Variants in DACH1 observed in about 807,000 individuals in gnomAD.
DACH1 encodes dachshund homolog 1.
Under a neutral mutation model 54.2 loss-of-function variants are expected in DACH1, and 12 were observed. That is an observed-to-expected ratio of 0.22 (90% CI 0.14 to 0.36). DACH1 has a LOEUF of 0.36. Ranked by LOEUF, DACH1 falls within the 10% of genes least tolerant of loss-of-function variation. The pLI is 1.00. For missense variants in DACH1, 805 were observed against 929.8 expected, an observed-to-expected ratio of 0.87 and a Z score of 1.75; for synonymous variants, 386 against 366.2, an observed-to-expected ratio of 1.05 and a Z score of -0.62.
At chr13:71,734,967 T>C (rs1207526767) in intron 1 of DACH1, among the ~76,000 whole-genome samples, 3 of 106,458 alleles carry the variant, frequency 2.8e-5, no homozygotes, top group African/African-American at 7.8e-5. Context: ...TATATATATA[T>C]ATACACACAC....
chr13:71,634,263 G>T lies in DACH1; in HGVS notation c.965-3546C>A, dbSNP rs556228455. Among the ~76,000 whole-genome samples the T allele has an allele frequency of 3.3e-5, 5 of 152,138 alleles. No homozygotes were observed. The East Asian group carries it at 9.7e-4, about 29-fold the overall frequency. ...GCTGGGATTACAGGCATGAGCCACG[G>T]CACCTGGCCTGAAAGTGAGGATTTG... On this transcript the variant is annotated intron_variant, in intron 2 of 10. Transcript: ENST00000613252.
chr13:71,656,721 C>G (rs1390770681), intron 2 of DACH1, among the ~76,000 whole-genome samples: 3 of 150,734 alleles, frequency 2.0e-5, no homozygotes, highest in African/African-American at 7.3e-5. Flanking sequence ...TGTTATATCT[C>G]CAAACATTTT....
chr13:71,707,300 AAG>A (rs1882497978), intron 1 of DACH1, among the ~76,000 whole-genome samples: 2 of 152,244 alleles, frequency 1.3e-5, no homozygotes. Flanking sequence ...ACGTGCTTGG[AAG>A]AGTTTCTTCT....
At chr13:71,634,540 T>C (rs978406092) in intron 2 of DACH1, among the ~76,000 whole-genome samples, 1 of 152,198 alleles carries the variant, frequency 6.6e-6, no homozygotes, top group East Asian at 1.9e-4. Flanking sequence ...GCCCCGGACT[T>C]GCCTATGCCT....
chr13:71,803,970 G>A (rs1298781892), intron 1 of DACH1, among the ~76,000 whole-genome samples: 1 of 152,152 alleles, frequency 6.6e-6, no homozygotes, highest in African/African-American at 2.4e-5. Context: ...ACTATGCTGA[G>A]AAGGCTACAG....
intron 1 of DACH1, among the ~76,000 whole-genome samples, chr13:71,728,595 GA>G (rs1165735718): frequency 6.6e-6 from 1 of 151,980 alleles, no homozygotes; most frequent in Non-Finnish European, 1.5e-5. Context: ...AATTTAATCA[GA>G]AGGATGAAAT....
chr13:71,850,146 A>G (rs1453275395), intron 1 of DACH1, among the ~76,000 whole-genome samples: 1 of 152,222 alleles, frequency 6.6e-6, no homozygotes, highest in Non-Finnish European at 1.5e-5. Flanking sequence ...ACATCAGTAC[A>G]TTTGGTACAA....
chr13:71,461,867 T>C (rs1310840216), intron 10 of DACH1, among the ~76,000 whole-genome samples: 3 of 152,000 alleles, frequency 2.0e-5, no homozygotes, highest in Non-Finnish European at 4.4e-5. Flanking sequence ...AATATAATAT[T>C]GTTTTACCAT....
At chr13:71,815,233 C>A (rs1887862782) in intron 1 of DACH1, among the ~76,000 whole-genome samples, 1 of 151,300 alleles carries the variant, frequency 6.6e-6, no homozygotes, top group Non-Finnish European at 1.5e-5. Flanking sequence ...TCCAAATATT[C>A]CTTGGAGCAA....
At chr13:71,705,039 C>T (rs983709377) in intron 1 of DACH1, among the ~76,000 whole-genome samples, 26 of 152,138 alleles carry the variant, frequency 1.7e-4, no homozygotes, top group African/African-American at 6.0e-4. Context: ...CATTTACATT[C>T]ACATTTTTAT....
intron 1 of DACH1, among the ~76,000 whole-genome samples, chr13:71,864,780 G>A (rs866234849): frequency 6.9e-6 from 1 of 144,674 alleles, no homozygotes; most frequent in Middle Eastern, 3.4e-3. Flanking sequence ...CCCACTGAGC[G>A]TTCATTAGCA....
chr13:71,525,446 A>T (rs2138291718), intron 6 of DACH1, among the ~76,000 whole-genome samples: 1 of 152,268 alleles, frequency 6.6e-6, no homozygotes, highest in African/African-American at 2.4e-5. Flanking sequence ...TATTGTCAAG[A>T]ATTAATAAAT....
intron 10 of DACH1, among the ~76,000 whole-genome samples, chr13:71,455,237 G>T (rs2138125926): frequency 6.6e-6 from 1 of 152,050 alleles, no homozygotes; most frequent in Admixed American, 6.6e-5. Context: ...ACTTTTAAAA[G>T]ATTTGTTTTG....
At chr13:71,622,871 A>G (rs1222402299) in intron 3 of DACH1, among the ~76,000 whole-genome samples, 2 of 151,820 alleles carry the variant, frequency 1.3e-5, no homozygotes, top group African/African-American at 4.8e-5. Context: ...ATTAGTTAGA[A>G]TTAGCAATAT....
chr13:71,809,924 G>T (rs527470165), intron 1 of DACH1, among the ~76,000 whole-genome samples: 3 of 152,284 alleles, frequency 2.0e-5, no homozygotes, highest in South Asian at 4.1e-4. Flanking sequence ...AAAAGAGATT[G>T]AGACAGGTGT....
At chr13:71,630,530 T>C (rs2138569052) in intron 3 of DACH1, 26 bp downstream of exon 3, 1 of 1,558,564 alleles carries the variant, frequency 6.4e-7, no homozygotes, top group East Asian at 2.3e-5. Context: ...GTGATCACAA[T>C]AAGTTTCAGC....
At chr13:71,685,656 A>G (rs1413728514) in intron 1 of DACH1, among the ~76,000 whole-genome samples, 1 of 152,160 alleles carries the variant, frequency 6.6e-6, no homozygotes, top group Non-Finnish European at 1.5e-5. Context: ...ATTAACTCCT[A>G]GGGGATTTGA....
At chr13:71,742,177 T>C (rs769403811) in intron 1 of DACH1, among the ~76,000 whole-genome samples, 2 of 152,178 alleles carry the variant, frequency 1.3e-5, no homozygotes, top group Non-Finnish European at 2.9e-5. Flanking sequence ...CCTCCTGCCA[T>C]GATTCTGAGG....
chr13:71,549,782 C>T (rs990055521), intron 6 of DACH1, among the ~76,000 whole-genome samples: 1 of 152,092 alleles, frequency 6.6e-6, no homozygotes, highest in Middle Eastern at 3.2e-3. Context: ...TCCTACCCAT[C>T]AGAGGGAATC....
Sources: allele counts gnomAD v4.1 joint callset (sites outside exome capture counted in the v4.1 genomes callset), GRCh38; gene constraint gnomAD v4.1.1; transcripts MANE v1.5; gene names NCBI Gene and HGNC (gene_info 2026-07-23, HGNC 2026-07-21).